Variants in CELF2 observed in about 807,000 individuals in gnomAD.
CELF2 encodes CUG triplet repeat RNA-binding protein 2.
Under a neutral mutation model 62.6 loss-of-function variants are expected in CELF2, and 8 were observed. The ratio of observed to expected loss-of-function variants is 0.13; its 90% CI spans 0.07 to 0.23. CELF2 has a LOEUF of 0.23. Among genes scored for constraint, CELF2 ranks in the 10% least tolerant of loss-of-function variants. The pLI is 1.00. For missense variants in CELF2, 333 were observed against 671.0 expected (o/e 0.50, Z 5.56); for synonymous variants, 258 against 250.0 (o/e 1.03, Z -0.30).
intron 1 of CELF2, among the ~76,000 whole-genome samples, chr10:10,902,913 AGAG>A (rs1370999292): frequency 7.9e-5 from 9 of 114,100 alleles, no homozygotes; most frequent in African/African-American, 2.7e-4. Context: ...GGGAGGGAGA[AGAG>A]GGAGGGAGGG....
Position 11,270,662 on chromosome 10 carries a change from A to G in CELF2, c.619-4A>G. On this transcript the variant is annotated splice_polypyrimidine_tract_variant and splice_region_variant and intron_variant, in intron 6 of 12. Coordinates refer to ENST00000633077, the MANE Select transcript of CELF2 (RefSeq NM_001326342.2). This position sits in a 1 kb window ranked among gnomAD's most constrained non-coding sequence, Gnocchi z 5.8. ...TCTCCACTTTCCAATGTGTCTGACC[A>G]CAGGGCTGCTCTTCACCTATCGTGG... 1 of 1,453,688 alleles carries G rather than the reference A, an allele frequency of 6.9e-7. No individual in the cohort carries two copies. The highest frequency in any genetic ancestry group is 9.2e-7 in the Non-Finnish European group (1 of 1,092,842). The allele number at this position is 1,453,688 out of a possible 1,614,324, so 90.0% of individuals were successfully genotyped here. A position where few individuals can be genotyped will look rare whatever the true frequency, so the allele number is the denominator to read the frequency against.
intron 9 of CELF2, among the ~76,000 whole-genome samples, chr10:11,307,374 T>G (rs749815532): frequency 5.3e-5 from 8 of 152,182 alleles, no homozygotes; most frequent in Non-Finnish European, 8.8e-5. Flanking sequence ...TGGGAGAAGG[T>G]CCTCCAGCAG....
chr10:10,691,262 T>A, the CELF2 span, among the ~76,000 whole-genome samples: 2 of 151,398 alleles, frequency 1.3e-5, no homozygotes, highest in Non-Finnish European at 2.9e-5. Context: ...CGCTGTTTGG[T>A]TTTTTGTTCT....
chr10:10,490,748 C>A, the CELF2 span, among the ~76,000 whole-genome samples: 164 of 152,184 alleles, frequency 1.1e-3, no homozygotes, highest in South Asian at 4.4e-3. Context: ...ATTTCTTTCC[C>A]CATGTCTAAA....
At chr10:11,138,665 C>T (rs1323238369) in intron 1 of CELF2, among the ~76,000 whole-genome samples, 1 of 152,176 alleles carries the variant, frequency 6.6e-6, no homozygotes, top group Non-Finnish European at 1.5e-5. Flanking sequence ...GTGTCATGAA[C>T]TGGCTTTGTT....
rs1478942219 is a variant in CELF2, at chr10:11,214,936, C to A, written c.272-2489C>A. ...CATCTCCCCTTCTGTATGTTTGAGT[C>A]CTTTCTTCCTTCCTTTCTCCTATTC... is the stretch of plus-strand genomic sequence containing the variant. On this transcript the variant is annotated intron_variant, in intron 2 of 12. Transcript: ENST00000633077. This position sits in a 1 kb window ranked among gnomAD's most constrained non-coding sequence, Gnocchi z 4.2. 6.6e-6 allele frequency among the ~76,000 whole-genome samples: 1 copy of A among 152,118 alleles called. No individual in the cohort carries two copies. The highest frequency in any genetic ancestry group is 1.9e-4 in the East Asian group (1 of 5,196).
In CELF2 at chr10:10,897,774, A is replaced by G. The variant is rs145721501; in HGVS notation, c.54-22190A>G. Among the ~76,000 whole-genome samples, 3 of 152,354 alleles carry G rather than the reference A, an allele frequency of 2.0e-5. No homozygotes were observed. In the East Asian group the frequency reaches 5.8e-4, roughly 29 times the overall value. ...ATCAGCAGAAACACTGACCGCTTGT[A>G]CTGAAGGGAACAGAGACAGAATGAA... On this transcript the variant is annotated intron_variant, in intron 1 of 13. Transcript: ENST00000636488.
intron 2 of CELF2, among the ~76,000 whole-genome samples, chr10:10,959,491 A>G (rs1435895198): frequency 6.6e-6 from 1 of 152,104 alleles, no homozygotes; most frequent in African/African-American, 2.4e-5. Flanking sequence ...TCAGAAGAAA[A>G]CAACTTTCAA....
chr10:10,557,507 G>T, the CELF2 span, among the ~76,000 whole-genome samples: 2 of 144,022 alleles, frequency 1.4e-5, no homozygotes, highest in Non-Finnish European at 3.0e-5. Context: ...GGATTGCCTT[G>T]GCGATGCGAG....
the CELF2 span, among the ~76,000 whole-genome samples, chr10:10,609,725 A>G: frequency 6.6e-6 from 1 of 152,188 alleles, no homozygotes; most frequent in Non-Finnish European, 1.5e-5. Context: ...TGAGAACTCT[A>G]TTTGGGGATT....
At chr10:10,764,656 A>T in the CELF2 span, among the ~76,000 whole-genome samples, 1 of 152,212 alleles carries the variant, frequency 6.6e-6, no homozygotes, top group Non-Finnish European at 1.5e-5. Flanking sequence ...ATGTCTCAGA[A>T]TCTTAATTTC....
intron 2 of CELF2, among the ~76,000 whole-genome samples, chr10:11,213,964 T>C (rs1159909701): frequency 6.6e-6 from 1 of 152,190 alleles, no homozygotes; most frequent in Non-Finnish European, 1.5e-5. Context: ...CGTGGGGGGA[T>C]ATTAAGCAGA....
upstream of CELF2, among the ~76,000 whole-genome samples, chr10:11,014,438 T>C (rs1482917044): frequency 6.6e-6 from 1 of 152,222 alleles, no homozygotes; most frequent in Non-Finnish European, 1.5e-5. Flanking sequence ...TGGGTCACGA[T>C]ATATCAAGCA....
At position 11,297,321 on chromosome 10, in the gene CELF2, G is replaced by C. The variant is rs1189300122; in HGVS notation, c.976+8769G>C. On this transcript the variant is annotated intron_variant, in intron 9 of 12. Coordinates refer to ENST00000633077, the MANE Select transcript of CELF2 (RefSeq NM_001326342.2). The surrounding 1 kb of genome is among the most constrained non-coding windows in gnomAD (Gnocchi z 4.4). ...AGAGCCGGGAGCTGCAGAGTGGATTGAGACTGACCTGCAGAGGCCAGGCGG... is the reference window on the plus strand; with the variant it reads ...AGAGCCGGGAGCTGCAGAGTGGATTCAGACTGACCTGCAGAGGCCAGGCGG... Among the ~76,000 whole-genome samples, 4 of 152,196 alleles carry C rather than the reference G, an allele frequency of 2.6e-5. No individual in the cohort carries two copies. The highest frequency in any genetic ancestry group is 5.9e-5 in the Non-Finnish European group (4 of 68,026).
the CELF2 span, among the ~76,000 whole-genome samples, chr10:10,779,926 C>T: frequency 6.6e-6 from 1 of 151,168 alleles, no homozygotes; most frequent in Non-Finnish European, 1.5e-5. Context: ...CATATCAGAT[C>T]AGTGGATGGA....
chr10:10,806,908 C>A (rs1397086886), intron 1 of CELF2, among the ~76,000 whole-genome samples: 1 of 152,170 alleles, frequency 6.6e-6, no homozygotes, highest in African/African-American at 2.4e-5. Context: ...AATCTGATCA[C>A]CCACAAGGAT....
intron 1 of CELF2, among the ~76,000 whole-genome samples, chr10:11,030,043 G>T (rs1281145027): frequency 6.6e-6 from 1 of 152,160 alleles, no homozygotes; most frequent in African/African-American, 2.4e-5. Flanking sequence ...TAATAATCGT[G>T]CAGACCCCAG....
the CELF2 span, among the ~76,000 whole-genome samples, chr10:10,706,762 A>T: frequency 5.1e-4 from 77 of 152,280 alleles, no homozygotes; most frequent in Admixed American, 1.1e-3. Flanking sequence ...AAAATACTCA[A>T]ATTTCCAGAC....
chr10:10,882,439 G>C (rs971691685), intron 1 of CELF2, among the ~76,000 whole-genome samples: 1 of 152,184 alleles, frequency 6.6e-6, no homozygotes, highest in Non-Finnish European at 1.5e-5. Flanking sequence ...AAGGTGTTCT[G>C]TTGTCACTAA....
Sources: gnomAD v4.1 joint callset for allele counts (sites outside exome capture counted in the v4.1 genomes callset) on GRCh38, gnomAD v4.1.1 for gene constraint, Gnocchi (gnomAD v3.1) non-coding constraint, MANE v1.5 for transcripts, NCBI Gene and HGNC (gene_info 2026-07-23, HGNC 2026-07-21) for gene names.